TNS1: variants seen among roughly 807,000 people sequenced by gnomAD.
The protein encoded by TNS1 is tensin 1.
Under a neutral mutation model 168.6 loss-of-function variants are expected in TNS1, and 62 were observed. The ratio of observed to expected loss-of-function variants is 0.37; its 90% CI spans 0.30 to 0.45. TNS1 has a LOEUF of 0.45. Ranked by LOEUF, TNS1 falls within the 20% of genes least tolerant of loss-of-function variation. The probability of loss-of-function intolerance (pLI) is 1.00; values close to 1 mark genes in which losing one functional copy is unlikely to be tolerated. For missense variants in TNS1, 2,240 were observed against 2,339.4 expected (o/e 0.96, Z 0.88); for synonymous variants, 934 against 933.2 (o/e 1.00, Z -0.02).
At chr2:217,864,777 T>C (rs986432433) in intron 18 of TNS1, among the ~76,000 whole-genome samples, 11 of 152,232 alleles carry the variant, frequency 7.2e-5, no homozygotes, top group African/African-American at 2.7e-4. Flanking sequence ...AAACCATCTC[T>C]GCAAGTGAGG....
intron 4 of TNS1, among the ~76,000 whole-genome samples, chr2:217,910,498 G>C (rs1954246733): frequency 6.6e-6 from 1 of 151,886 alleles, no homozygotes; most frequent in South Asian, 2.1e-4. Flanking sequence ...TACTGGGAAG[G>C]AAAAAGGCAT....
At chr2:217,944,277 A>C (rs1348601218) in intron 3 of TNS1, 1 of 152,386 alleles carries the variant, frequency 6.6e-6, no homozygotes, top group Admixed American at 6.5e-5. Context: ...GCAGGAGATC[A>C]CCAGGGAATG....
At chr2:217,834,205 T>C (rs1944857357) in intron 21 of TNS1, among the ~76,000 whole-genome samples, 2 of 152,186 alleles carry the variant, frequency 1.3e-5, no homozygotes, top group South Asian at 4.1e-4. Context: ...GCCACGTACA[T>C]TGCCACATTC....
chr2:217,893,400 GCACACA>G (rs55877465), intron 10 of TNS1, 33 bp downstream of exon 10: 207 of 1,462,002 alleles, frequency 1.4e-4, no homozygotes, highest in African/African-American at 3.9e-4. Flanking sequence ...GTGCGCGCGC[GCACACA>G]CACACACACA....
chr2:217,819,402 G>T (rs1574616347), intron 23 of TNS1, among the ~76,000 whole-genome samples: 2 of 152,198 alleles, frequency 1.3e-5, no homozygotes, highest in East Asian at 1.9e-4. Context: ...TGGTAATGAG[G>T]CTCCTGTCAT....
intron 22 of TNS1, chr2:217,829,982 G>C: frequency 6.6e-7 from 1 of 1,526,014 alleles, no homozygotes; most frequent in Non-Finnish European, 8.8e-7. Context: ...GAGAGAAAGA[G>C]ATTAACAGGG....
intron 3 of TNS1, among the ~76,000 whole-genome samples, chr2:217,937,692 AC>A (rs759892022): frequency 2.7e-4 from 41 of 151,240 alleles, no homozygotes; most frequent in Admixed American, 2.2e-3. Flanking sequence ...GGACTCACAG[AC>A]CCCCCACCCC....
rs564913690 is a variant in TNS1 at position 217,899,733 on chromosome 2, G to A, written c.371+730C>T. Among the ~76,000 whole-genome samples, 18 of 152,280 alleles carry A rather than the reference G, an allele frequency of 1.2e-4. No homozygotes were observed. In the East Asian group the frequency reaches 2.9e-3, roughly 25 times the overall value. ...CAAATGCAGAACAGTGCCACCAGCCGGACAGCCTCAGCATCACACTCTGCA... is the reference window on the plus strand; with the variant it reads ...CAAATGCAGAACAGTGCCACCAGCCAGACAGCCTCAGCATCACACTCTGCA... On this transcript the variant is annotated intron_variant, in intron 7 of 32. Coordinates refer to ENST00000682258, the MANE Select transcript of TNS1 (RefSeq NM_001387777.1).
chr2:217,942,654 C>T (rs923890881), intron 3 of TNS1, among the ~76,000 whole-genome samples: 1 of 152,170 alleles, frequency 6.6e-6, no homozygotes, highest in Non-Finnish European at 1.5e-5. Context: ...CCCCCTACAC[C>T]TTCCCCACTG....
At chr2:218,021,466 G>A (rs1431048689) in intron 1 of TNS1, among the ~76,000 whole-genome samples, 2 of 152,176 alleles carry the variant, frequency 1.3e-5, no homozygotes, top group African/African-American at 2.4e-5. Flanking sequence ...AGCCTAGAGC[G>A]AGTAGAGCAG....
chr2:217,918,767 G>A (rs77510646), intron 4 of TNS1, among the ~76,000 whole-genome samples: 12,026 of 131,576 alleles, frequency 0.091, 724 homozygotes, highest in East Asian at 0.3. Flanking sequence ...CGCCCTCCTC[G>A]GACTCCCATG....
At chr2:217,888,316 T>C (rs954411481) in intron 12 of TNS1, among the ~76,000 whole-genome samples, 1 of 152,142 alleles carries the variant, frequency 6.6e-6, no homozygotes, top group Non-Finnish European at 1.5e-5. Flanking sequence ...ATCTGCTCCA[T>C]TCCCTGCAAG....
In TNS1 at chr2:217,893,399, C is replaced by T. The variant is rs537862194; in HGVS notation, c.717+40G>A. 1.0e-4 allele frequency: 157 copies of T among 1,505,584 alleles called. 1 individual carries two copies. The highest frequency in any genetic ancestry group is 4.2e-4 in the African/African-American group (24 of 57,776). 93.3% of individuals were successfully genotyped at this position (1,505,584 alleles called of 1,614,324 possible). ...ACACACATGTGCGCATGTGCGCGCG[C>T]GCACACACACACACACACACACACA... On this transcript the variant is annotated intron_variant, in intron 10 of 32. Coordinates refer to ENST00000682258, the MANE Select transcript of TNS1 (RefSeq NM_001387777.1).
chr2:218,022,056 C>CG (rs1407118278), intron 1 of TNS1, among the ~76,000 whole-genome samples: 1 of 151,966 alleles, frequency 6.6e-6, no homozygotes, highest in Non-Finnish European at 1.5e-5. Flanking sequence ...GCACTGGCAT[C>CG]GGGGGGCGAG....
At chr2:218,002,310 G>C (rs927761407) in intron 1 of TNS1, among the ~76,000 whole-genome samples, 5 of 152,212 alleles carry the variant, frequency 3.3e-5, no homozygotes, top group African/African-American at 1.2e-4. Context: ...AGGGATGGCA[G>C]TGGGTGGAAG....
In TNS1 at chr2:217,812,370, C is replaced by T. The variant is rs776954136; in HGVS notation, c.5030G>A (p.Arg1677Gln). The change falls in exon 28 of 33, where the codon CGA (arginine) becomes CAA (glutamine). Residue 1677 changes from arginine (R) to glutamine (Q), a missense_variant and splice_region_variant. Transcript: ENST00000682258. The stretch of plus-strand genomic sequence containing the variant: ...AGCCAGGAGTCTCACGTTCCTACCT[C>T]GGTTTGGAATGACCAGCTTGCAAGG... Reference protein sequence around the residue: ...ALPCKLVIPNRDPTDESKDSS... With the variant: ...ALPCKLVIPNQDPTDESKDSS... 8.7e-6 allele frequency: 14 copies of T among 1,613,608 alleles called. No individual in the cohort carries two copies. The highest frequency in any genetic ancestry group is 4.5e-5 in the East Asian group (2 of 44,868).
At chr2:217,932,895 AATTAGCGCGCATCGGGGACTGGTG>A (rs1436390849) in intron 3 of TNS1, among the ~76,000 whole-genome samples, 1 of 152,184 alleles carries the variant, frequency 6.6e-6, no homozygotes. Context: ...TATTCTGCAC[AATTAGCGCGCATCGGGGACTGGTG>A]TTCTGGAACC....
At chr2:217,890,596 C>A in intron 12 of TNS1, 1 of 233,476 alleles carries the variant, frequency 4.3e-6, no homozygotes, top group Non-Finnish European at 8.4e-6. Context: ...GGCAGTGATG[C>A]AGTCTCCCGT....
At chr2:217,861,716 T>C (rs1487025726) in intron 18 of TNS1, among the ~76,000 whole-genome samples, 2 of 152,200 alleles carry the variant, frequency 1.3e-5, no homozygotes, top group Non-Finnish European at 2.9e-5. Flanking sequence ...TCATTGTATC[T>C]CAGTAAGTAG....
Sources: allele counts gnomAD v4.1 joint callset (sites outside exome capture counted in the v4.1 genomes callset), GRCh38; gene constraint gnomAD v4.1.1; transcripts MANE v1.5; gene names NCBI Gene and HGNC (gene_info 2026-07-23, HGNC 2026-07-21).